Variants in CTNNA2 observed in about 807,000 individuals in gnomAD.
The protein encoded by CTNNA2 is catenin alpha-2.
Under a neutral mutation model 101.0 loss-of-function variants are expected in CTNNA2, and 42 were observed. The ratio of observed to expected loss-of-function variants is 0.42; its 90% confidence interval spans 0.32 to 0.54. The LOEUF (loss-of-function observed/expected upper bound fraction) is 0.54, where lower values mean the gene tolerates loss of function less well. CTNNA2 is among the 20% of genes least tolerant of loss of function. The pLI, the probability that CTNNA2 is intolerant of heterozygous loss-of-function variation, is 0.14. For synonymous variants in CTNNA2, 450 were observed against 456.4 expected, an observed-to-expected ratio of 0.99 and a Z score of 0.18; for missense variants, 871 against 1,223.1, an observed-to-expected ratio of 0.71 and a Z score of 4.29.
At chr2:79,988,818 C>T (rs983027735) in intron 7 of CTNNA2, among the ~76,000 whole-genome samples, 4 of 152,086 alleles carry the variant, frequency 2.6e-5, no homozygotes, top group Non-Finnish European at 4.4e-5. Flanking sequence ...AGGTTTCTTT[C>T]GATCAAATGT....
At chr2:79,318,943 A>T (rs1676556629) in intron 3 of CTNNA2, among the ~76,000 whole-genome samples, 1 of 152,190 alleles carries the variant, frequency 6.6e-6, no homozygotes, top group Non-Finnish European at 1.5e-5. Flanking sequence ...GCTAATATCA[A>T]CTGACTACTA....
chr2:79,857,960 C>A (rs1209225013), intron 3 of CTNNA2, 53 bp from the exon 4 acceptor site: 14 of 1,551,064 alleles, frequency 9.0e-6, no homozygotes, highest in Non-Finnish European at 1.1e-5. Flanking sequence ...TTTAGGATGG[C>A]CAGTCTCTAA....
At chr2:79,688,096 A>C (rs1049311924) in intron 2 of CTNNA2, among the ~76,000 whole-genome samples, 1 of 152,128 alleles carries the variant, frequency 6.6e-6, no homozygotes, top group African/African-American at 2.4e-5. Context: ...CAAACTCCAA[A>C]TAGAGAATTT....
intron 2 of CTNNA2, among the ~76,000 whole-genome samples, chr2:79,679,809 G>T (rs17017525): frequency 0.084 from 12,700 of 152,064 alleles, 787 homozygotes; most frequent in African/African-American, 0.17. Flanking sequence ...TCTGGGTAAG[G>T]TCTCTGTGAT....
At chr2:80,441,964 C>T (rs920032387) in intron 9 of CTNNA2, among the ~76,000 whole-genome samples, 1 of 152,214 alleles carries the variant, frequency 6.6e-6, no homozygotes, top group Non-Finnish European at 1.5e-5. Flanking sequence ...TCAGGCAGTC[C>T]TCCATGGGCA....
chr2:80,274,612 C>G (rs529491175), intron 7 of CTNNA2, among the ~76,000 whole-genome samples: 1 of 152,208 alleles, frequency 6.6e-6, no homozygotes, highest in African/African-American at 2.4e-5. Context: ...TCTAGCTTCT[C>G]AATTAGCATT....
chr2:80,635,573 T>C (rs1672784509), intron 18 of CTNNA2, among the ~76,000 whole-genome samples: 1 of 152,172 alleles, frequency 6.6e-6, no homozygotes, highest in Admixed American at 6.6e-5. Flanking sequence ...GCTCATTCGT[T>C]ATGAATTATG....
chr2:79,724,968 A>G (rs572646348), intron 2 of CTNNA2, among the ~76,000 whole-genome samples: 2 of 152,220 alleles, frequency 1.3e-5, no homozygotes, highest in East Asian at 1.9e-4. Flanking sequence ...TGCAAGTAGC[A>G]TACTACTTGT....
At chr2:79,948,990 AAAAT>A (rs139929991) in intron 7 of CTNNA2, among the ~76,000 whole-genome samples, 7 of 150,606 alleles carry the variant, frequency 4.6e-5, no homozygotes, top group South Asian at 2.1e-4. Context: ...ATAAATAAAT[AAAAT>A]AAATGGATAA....
chr2:79,492,425 AAATC>A (rs1671214178), intron 4 of CTNNA2, among the ~76,000 whole-genome samples: 1 of 151,990 alleles, frequency 6.6e-6, no homozygotes, highest in African/African-American at 2.4e-5. Context: ...TTTATGGAGA[AAATC>A]AAACATATAG....
At chr2:79,450,516 G>C (rs1233280047) in intron 4 of CTNNA2, among the ~76,000 whole-genome samples, 1 of 152,020 alleles carries the variant, frequency 6.6e-6, no homozygotes, top group Non-Finnish European at 1.5e-5. Flanking sequence ...GTATAAAACT[G>C]TTCCATAAGA....
At chr2:79,983,966 A>G (rs1691576855) in intron 7 of CTNNA2, among the ~76,000 whole-genome samples, 1 of 152,134 alleles carries the variant, frequency 6.6e-6, no homozygotes, top group African/African-American at 2.4e-5. Context: ...GACAACCTAT[A>G]CTGGAGTGAT....
At chr2:79,982,402 A>C (rs7563713) in intron 7 of CTNNA2, among the ~76,000 whole-genome samples, 13 of 142,670 alleles carry the variant, frequency 9.1e-5, no homozygotes, top group East Asian at 5.9e-4. Flanking sequence ...TAACATATAT[A>C]ACATATAACA....
chr2:79,501,035 AG>A (rs1245426078), intron 4 of CTNNA2, among the ~76,000 whole-genome samples: 2 of 152,200 alleles, frequency 1.3e-5, no homozygotes. Flanking sequence ...CAATGTAACA[AG>A]GCTCCTGAAT....
chr2:79,788,225 A>T (rs1415788592), intron 3 of CTNNA2, among the ~76,000 whole-genome samples: 1 of 152,164 alleles, frequency 6.6e-6, no homozygotes, highest in African/African-American at 2.4e-5. Flanking sequence ...AAAATAACTG[A>T]TCACAGAATG....
chr2:80,213,321 G>T (rs572387502), intron 7 of CTNNA2, among the ~76,000 whole-genome samples: 386 of 152,092 alleles, frequency 2.5e-3, no homozygotes, highest in Non-Finnish European at 4.4e-3. Flanking sequence ...GTCAATTTTA[G>T]ATCTTTCCTG....
intron 7 of CTNNA2, among the ~76,000 whole-genome samples, chr2:80,367,381 G>A (rs748829166): frequency 7.9e-5 from 12 of 152,050 alleles, no homozygotes; most frequent in Admixed American, 1.3e-4. Flanking sequence ...CCATTTATGC[G>A]TTGATAAAAA....
chr2:80,171,495 ACAAAGAAGCCCC>A (rs1558872078), intron 7 of CTNNA2, among the ~76,000 whole-genome samples: 1 of 152,218 alleles, frequency 6.6e-6, no homozygotes, highest in Non-Finnish European at 1.5e-5. Flanking sequence ...AGATACTGTA[ACAAAGAAGCCCC>A]CAAATATGTG....
At chr2:80,236,778 C>T (rs1174748974) in intron 7 of CTNNA2, among the ~76,000 whole-genome samples, 1 of 152,146 alleles carries the variant, frequency 6.6e-6, no homozygotes, top group African/African-American at 2.4e-5. Flanking sequence ...TTCCTGGGCT[C>T]ATTCCCAAAA....
Sources: gnomAD v4.1 joint callset for allele counts (sites outside exome capture counted in the v4.1 genomes callset) on GRCh38, gnomAD v4.1.1 for gene constraint, MANE v1.5 for transcripts, NCBI Gene and HGNC (gene_info 2026-07-23, HGNC 2026-07-21) for gene names.